PTK2B: variants seen among roughly 807,000 people sequenced by gnomAD.
PTK2B encodes protein-tyrosine kinase 2-beta.
Under a neutral mutation model 142.9 loss-of-function variants are expected in PTK2B, and 71 were observed. The observed-to-expected ratio is 0.50, with a 90% CI of 0.41 to 0.61. PTK2B has a LOEUF of 0.61. PTK2B is among the 20% of genes least tolerant of loss of function. The pLI is 0.00. For synonymous variants in PTK2B, 519 were observed against 503.4 expected (o/e 1.03, Z -0.42); for missense variants, 1,105 against 1,320.4 (o/e 0.84, Z 2.53).
intron 1 of PTK2B, among the ~76,000 whole-genome samples, chr8:27,339,289 C>T (rs961269141): frequency 3.3e-5 from 5 of 152,144 alleles, no homozygotes; most frequent in Non-Finnish European, 7.3e-5. Context: ...CTTCATTGCT[C>T]TTTCCATCAG....
chr8:27,329,382 A>C (rs1469663551), intron 1 of PTK2B, among the ~76,000 whole-genome samples: 1 of 152,172 alleles, frequency 6.6e-6, no homozygotes, highest in Non-Finnish European at 1.5e-5. Context: ...TTAGCTCTCC[A>C]TAGTGACGAC....
intron 1 of PTK2B, among the ~76,000 whole-genome samples, chr8:27,359,607 G>C (rs954784918): frequency 6.6e-6 from 1 of 152,074 alleles, no homozygotes; most frequent in East Asian, 1.9e-4. Flanking sequence ...CCAGAGTTCT[G>C]CTTTTTCCTC....
At chr8:27,347,252 C>A (rs545472661) in intron 1 of PTK2B, among the ~76,000 whole-genome samples, 34 of 151,098 alleles carry the variant, frequency 2.3e-4, no homozygotes, top group African/African-American at 8.3e-4. Context: ...TGGTGGCATG[C>A]GCCTGTAATC....
Position 27,430,365 on chromosome 8 carries a change from A to G in PTK2B, c.616A>G (p.Lys206Glu). ...CTGCCTTTTTCTTCCTTCTTGCAGAAAGGAAGTGGGGCTGGACTTGTTTTT... is the reference window on the plus strand; with the variant it reads ...CTGCCTTTTTCTTCCTTCTTGCAGAGAGGAAGTGGGGCTGGACTTGTTTTT... Reference protein sequence around the residue: ...DKKSNFELLEKEVGLDLFFPK... With the variant: ...DKKSNFELLEEEVGLDLFFPK... The change falls in exon 7 of 31, where the codon AAG becomes GAG. Residue 206 changes from lysine to glutamate, a missense_variant and splice_region_variant. Transcript: ENST00000346049. 6.2e-7 allele frequency: 1 copy of G among 1,614,124 alleles called. No individual in the cohort carries two copies. The highest frequency in any genetic ancestry group is 8.5e-7 in the Non-Finnish European group (1 of 1,180,030).
intron 1 of PTK2B, among the ~76,000 whole-genome samples, chr8:27,372,280 A>G (rs1490748241): frequency 6.6e-6 from 1 of 152,218 alleles, no homozygotes; most frequent in Non-Finnish European, 1.5e-5. Flanking sequence ...AGATGTCTAT[A>G]AAGAGATTTA....
intron 1 of PTK2B, among the ~76,000 whole-genome samples, chr8:27,327,445 A>G (rs1803487618): frequency 6.6e-6 from 1 of 152,130 alleles, no homozygotes; most frequent in Non-Finnish European, 1.5e-5. Flanking sequence ...CTCATGAACT[A>G]CATGGAACAT....
At chr8:27,311,404 G>T (rs1178347934), upstream of PTK2B, 6 of 849,720 alleles carry the variant, frequency 7.1e-6, no homozygotes, top group Non-Finnish European at 1.0e-5. Flanking sequence ...GAGGGGGAGG[G>T]AGGGGGCGCT....
upstream of PTK2B, chr8:27,310,657 G>T: frequency 2.2e-6 from 2 of 930,144 alleles, no homozygotes; most frequent in Non-Finnish European, 3.2e-6. Context: ...TGAGAACCTG[G>T]GTCGGAGAGG....
At chr8:27,377,801 C>T (rs1011532187) in intron 1 of PTK2B, among the ~76,000 whole-genome samples, 4 of 152,138 alleles carry the variant, frequency 2.6e-5, no homozygotes, top group African/African-American at 7.2e-5. Flanking sequence ...GAGCCTCCCC[C>T]AAGAGCACAG....
At chr8:27,447,980 C>G (rs763880960) in intron 24 of PTK2B, among the ~76,000 whole-genome samples, 2 of 152,370 alleles carry the variant, frequency 1.3e-5, no homozygotes, top group African/African-American at 2.4e-5. Flanking sequence ...CGCTTACAGT[C>G]GACCAGAAGG....
At chr8:27,383,010 G>T (rs1018646515) in intron 1 of PTK2B, among the ~76,000 whole-genome samples, 2 of 152,038 alleles carry the variant, frequency 1.3e-5, no homozygotes, top group Admixed American at 6.5e-5. Flanking sequence ...TGCTCTTTTT[G>T]CTCAGAATTG....
At chr8:27,451,775 T>G in intron 27 of PTK2B, 1 of 1,325,126 alleles carries the variant, frequency 7.5e-7, no homozygotes, top group Non-Finnish European at 9.6e-7. Flanking sequence ...CCTCCTGCAT[T>G]AGTTTGGAGG....
intron 24 of PTK2B, among the ~76,000 whole-genome samples, chr8:27,450,394 C>T (rs75185458): frequency 0.026 from 3,909 of 152,248 alleles, 175 homozygotes; most frequent in African/African-American, 0.089. Context: ...ACTTTAATAG[C>T]TTTTCTTTTT....
intron 1 of PTK2B, among the ~76,000 whole-genome samples, chr8:27,364,234 G>A (rs1805886744): frequency 6.6e-6 from 1 of 152,200 alleles, no homozygotes; most frequent in Non-Finnish European, 1.5e-5. Flanking sequence ...TGCCTTCCAT[G>A]CGATGCACCT....
rs530123251 is a variant in PTK2B, at chr8:27,413,483, G to C, written c.205-6412G>C. Among the ~76,000 whole-genome samples the C allele has an allele frequency of 2.0e-5, 3 of 152,306 alleles. 1 individual carries two copies. In the South Asian group the frequency reaches 6.2e-4, roughly 32 times the overall value. On this transcript the variant is annotated intron_variant, in intron 2 of 30. Transcript: ENST00000346049. ...TCTGGGAGAGTTCCTAAATCCAAAAGAGTACAGGCCTTTTGTTCTATAGGT... is the reference window on the plus strand; with the variant it reads ...TCTGGGAGAGTTCCTAAATCCAAAACAGTACAGGCCTTTTGTTCTATAGGT...
chr8:27,323,067 C>G (rs1341902998), upstream of PTK2B, among the ~76,000 whole-genome samples: 2 of 152,230 alleles, frequency 1.3e-5, no homozygotes, highest in Non-Finnish European at 2.9e-5. Flanking sequence ...CCAGCTCAAC[C>G]ACCTTTGTGA....
At chr8:27,311,434 T>G, upstream of PTK2B, 1 of 667,726 alleles carries the variant, frequency 1.5e-6, no homozygotes, top group Non-Finnish European at 2.4e-6. Context: ...CCCACCCACT[T>G]CCGGTGTGCG....
intron 1 of PTK2B, among the ~76,000 whole-genome samples, chr8:27,342,058 G>A (rs998051535): frequency 6.6e-6 from 1 of 152,182 alleles, no homozygotes; most frequent in Non-Finnish European, 1.5e-5. Flanking sequence ...ACTTCCCACA[G>A]GGTTGCAAGT....
rs1325354006 is a variant in PTK2B, at chr8:27,325,684, G to A, written c.-38+3G>A. ...CGCTGGAGTCCGCGCCTCCCTGGGTGAGTCCCTCCCGCGAGCCAGGGCTGA... is the reference window on the plus strand; with the variant it reads ...CGCTGGAGTCCGCGCCTCCCTGGGTAAGTCCCTCCCGCGAGCCAGGGCTGA... On this transcript the variant is annotated splice_donor_region_variant and intron_variant, in intron 1 of 30. Coordinates refer to ENST00000346049, the MANE Select transcript of PTK2B (RefSeq NM_173176.3). 6.6e-6 allele frequency: 1 copy of A among 152,312 alleles called. No homozygotes were observed. Among genetic ancestry groups the A allele is most frequent in the Non-Finnish European group, 1.5e-5 (1 of 68,124 alleles). The allele number at this position is 152,312 out of a possible 1,614,324, so 9.4% of individuals were successfully genotyped here.
Sources: allele counts gnomAD v4.1 joint callset (sites outside exome capture counted in the v4.1 genomes callset), GRCh38; gene constraint gnomAD v4.1.1; transcripts MANE v1.5; gene names NCBI Gene and HGNC (gene_info 2026-07-23, HGNC 2026-07-21).